The following RBFOX1 variants were observed in gnomAD, a reference collection of about 807,000 sequenced individuals.
RBFOX1 encodes RNA binding fox-1 homolog 1.
A neutral mutation model predicts 57.7 loss-of-function variants in RBFOX1; 8 were observed. The ratio of observed to expected loss-of-function variants is 0.14; its 90% confidence interval spans 0.08 to 0.25. The LOEUF (loss-of-function observed/expected upper bound fraction) is 0.25. Ranked by LOEUF, RBFOX1 falls within the 10% of genes least tolerant of loss-of-function variation. The pLI, the probability that RBFOX1 is intolerant of heterozygous loss-of-function variation, is 1.00. For synonymous variants in RBFOX1, 326 were observed against 222.4 expected (o/e 1.47, Z -4.15); for missense variants, 611 against 548.5 (o/e 1.11, Z -1.14).
chr16:5,314,594 G>C (rs1463836539), intron 1 of RBFOX1, among the ~76,000 whole-genome samples: 1 of 152,112 alleles, frequency 6.6e-6, no homozygotes, highest in African/African-American at 2.4e-5. Context: ...TTGATCTCCT[G>C]GGCTGAAGTG....
intron 1 of RBFOX1, among the ~76,000 whole-genome samples, chr16:5,421,961 A>G (rs1405746893): frequency 6.6e-6 from 1 of 152,174 alleles, no homozygotes; most frequent in East Asian, 1.9e-4. Context: ...CATGATGCCT[A>G]CTGCTAGTGG....
intron 4 of RBFOX1, among the ~76,000 whole-genome samples, chr16:7,301,869 C>T (rs1234963809): frequency 2.6e-5 from 4 of 152,012 alleles, no homozygotes; most frequent in African/African-American, 7.3e-5. Flanking sequence ...TTATTCCATT[C>T]GTGTTCTGTG....
chr16:6,236,164 G>A (rs757578962), intron 1 of RBFOX1, among the ~76,000 whole-genome samples: 6 of 152,230 alleles, frequency 3.9e-5, no homozygotes, highest in African/African-American at 7.2e-5. Flanking sequence ...ATAAAGAAGA[G>A]CAACATCTGA....
chr16:6,241,077 A>G (rs958133332), intron 1 of RBFOX1, among the ~76,000 whole-genome samples: 3 of 152,124 alleles, frequency 2.0e-5, no homozygotes, highest in East Asian at 1.9e-4. Flanking sequence ...TAACTACTCA[A>G]CTTATCCCTC....
At chr16:5,568,475 C>T (rs949308202) in intron 2 of RBFOX1, among the ~76,000 whole-genome samples, 13 of 152,068 alleles carry the variant, frequency 8.5e-5, no homozygotes, top group African/African-American at 2.9e-4. Flanking sequence ...GTAATTTCAC[C>T]ATCAGTGTTC....
chr16:6,016,495 C>A (rs768910596), upstream of RBFOX1, among the ~76,000 whole-genome samples: 11 of 152,088 alleles, frequency 7.2e-5, no homozygotes, highest in Non-Finnish European at 1.3e-4. Flanking sequence ...AGACCTTATC[C>A]TGGGGAATAA....
intron 3 of RBFOX1, among the ~76,000 whole-genome samples, chr16:6,843,860 C>T (rs1357321536): frequency 1.3e-5 from 2 of 152,162 alleles, no homozygotes; most frequent in Admixed American, 1.3e-4. Context: ...ACTGTTCCCT[C>T]AATATCTTCA....
intron 1 of RBFOX1, among the ~76,000 whole-genome samples, chr16:5,362,921 C>A (rs1352452035): frequency 6.6e-6 from 1 of 151,970 alleles, no homozygotes; most frequent in East Asian, 1.9e-4. Flanking sequence ...GCTTCCTTAT[C>A]CATTTATCCA....
At chr16:7,087,172 T>A (rs1006934791) in intron 4 of RBFOX1, among the ~76,000 whole-genome samples, 1 of 152,136 alleles carries the variant, frequency 6.6e-6, no homozygotes, top group Non-Finnish European at 1.5e-5. Flanking sequence ...GGAAGCCGGG[T>A]TGCTGCACAT....
chr16:7,052,295 T>C (rs890746730), intron 4 of RBFOX1, among the ~76,000 whole-genome samples, 197 bp downstream of exon 4: 33 of 152,224 alleles, frequency 2.2e-4, no homozygotes. Context: ...GAAGTGCCGT[T>C]ATAGTAGATA....
At chr16:5,705,185 C>G (rs1009823308) in intron 3 of RBFOX1, among the ~76,000 whole-genome samples, 1 of 152,170 alleles carries the variant, frequency 6.6e-6, no homozygotes, top group Admixed American at 6.5e-5. Flanking sequence ...ATCTTCCTAT[C>G]TTCCATCATG....
At chr16:5,897,418 C>G (rs11640228) in intron 4 of RBFOX1, among the ~76,000 whole-genome samples, 11,680 of 152,238 alleles carry the variant, frequency 0.077, 638 homozygotes, top group African/African-American at 0.15. Context: ...AAGGGTCTTA[C>G]ATACTTAATC....
chr16:6,269,641 C>G (rs903095580), intron 1 of RBFOX1, among the ~76,000 whole-genome samples: 1 of 152,114 alleles, frequency 6.6e-6, no homozygotes, highest in Non-Finnish European at 1.5e-5. Flanking sequence ...GAGTGAAAAT[C>G]TCCTTCGGAG....
At chr16:5,706,260 C>T (rs1436108036) in intron 3 of RBFOX1, among the ~76,000 whole-genome samples, 8 of 152,236 alleles carry the variant, frequency 5.3e-5, no homozygotes, top group South Asian at 2.1e-4. Context: ...CCGAAAGTTA[C>T]GAAAATGTGT....
At chr16:7,627,159 G>T (rs1309909192) in intron 10 of RBFOX1, among the ~76,000 whole-genome samples, 4 of 121,616 alleles carry the variant, frequency 3.3e-5, no homozygotes, top group South Asian at 5.4e-4. Context: ...TGAACCACAT[G>T]AACTTGGCAA....
chr16:7,443,066 A>T (rs1201703966), intron 4 of RBFOX1, among the ~76,000 whole-genome samples: 1 of 152,156 alleles, frequency 6.6e-6, no homozygotes, highest in Non-Finnish European at 1.5e-5. Context: ...CAAAACCACA[A>T]ACCTTACCCT....
rs571600345 is a variant in RBFOX1 at position 6,281,686 on chromosome 16, T to C, written c.-126-35309T>C. Among the ~76,000 whole-genome samples, 3 of 152,300 alleles carry C rather than the reference T, an allele frequency of 2.0e-5. No individual in the cohort carries two copies. In the East Asian group the frequency reaches 5.8e-4, roughly 29 times the overall value. On this transcript the variant is annotated intron_variant, in intron 1 of 15. Transcript: ENST00000550418. ...CTCAGTTACTTTTGTGCCGACGTAA[T>C]AACAACACTATTCATAACATTAACA... is the stretch of plus-strand genomic sequence containing the variant.
intron 2 of RBFOX1, among the ~76,000 whole-genome samples, chr16:5,575,808 G>A (rs1465187872): frequency 1.3e-5 from 2 of 151,494 alleles, no homozygotes; most frequent in African/African-American, 4.9e-5. Context: ...GCTGGAATGT[G>A]CCCAGAGAAT....
chr16:6,940,682 C>T (rs375827862), intron 3 of RBFOX1, among the ~76,000 whole-genome samples: 2 of 152,084 alleles, frequency 1.3e-5, no homozygotes, highest in African/African-American at 4.8e-5. Flanking sequence ...ACTGCAAGCT[C>T]CGCCTCCCGG....
Sources: allele counts gnomAD v4.1 joint callset (sites outside exome capture counted in the v4.1 genomes callset), GRCh38; gene constraint gnomAD v4.1.1; transcripts MANE v1.5; gene names NCBI Gene and HGNC (gene_info 2026-07-23, HGNC 2026-07-21).